Variants in SLC22A23 observed in about 807,000 individuals in gnomAD.
SLC22A23 encodes the protein ion transporter protein.
Under a neutral mutation model 61.0 loss-of-function variants are expected in SLC22A23, and 26 were observed. The ratio of observed to expected loss-of-function variants is 0.43; its 90% CI spans 0.31 to 0.59. SLC22A23 has a LOEUF of 0.59. Ranked by LOEUF, SLC22A23 falls within the 20% of genes least tolerant of loss-of-function variation. SLC22A23 has a pLI of 0.11. For synonymous variants in SLC22A23, 430 were observed against 413.9 expected (o/e 1.04, Z -0.47); for missense variants, 796 against 934.7 (o/e 0.85, Z 1.94).
intron 3 of SLC22A23, among the ~76,000 whole-genome samples, chr6:3,384,826 G>A (rs193024207): frequency 4.6e-5 from 7 of 152,268 alleles, no homozygotes; most frequent in East Asian, 1.9e-4. Flanking sequence ...TCACAATAGC[G>A]AGAATGTGGA....
At chr6:3,401,044 A>G (rs1768351815) in intron 3 of SLC22A23, among the ~76,000 whole-genome samples, 1 of 152,242 alleles carries the variant, frequency 6.6e-6, no homozygotes, top group Non-Finnish European at 1.5e-5. Flanking sequence ...GTGCACACTT[A>G]AAAATGGCTG....
chr6:3,307,720 C>T lies in SLC22A23; in HGVS notation c.1083-9502G>A, dbSNP rs150297203. Among the ~76,000 whole-genome samples, 292 of 152,352 alleles carry T rather than the reference C, an allele frequency of 1.9e-3. 3 individuals are homozygous for T. Among genetic ancestry groups the T allele is most frequent in the African/African-American group, 6.8e-3 (281 of 41,584 alleles). On this transcript the variant is annotated intron_variant, in intron 4 of 9. Transcript: ENST00000406686. ...TGACACTGTCCACAGCAGCTGGAAGCGGTGACTGTCGGTGAGTTACAGTGG... is the reference window on the plus strand; with the variant it reads ...TGACACTGTCCACAGCAGCTGGAAGTGGTGACTGTCGGTGAGTTACAGTGG...
At chr6:3,358,407 A>G (rs929598431) in intron 3 of SLC22A23, among the ~76,000 whole-genome samples, 5 of 152,246 alleles carry the variant, frequency 3.3e-5, no homozygotes, top group African/African-American at 1.2e-4. Context: ...AACGAATGAA[A>G]TTCTGACACG....
At chr6:3,380,052 G>A (rs1766859957) in intron 3 of SLC22A23, among the ~76,000 whole-genome samples, 1 of 152,082 alleles carries the variant, frequency 6.6e-6, no homozygotes, top group Non-Finnish European at 1.5e-5. Flanking sequence ...GAGGGATGAG[G>A]GGGCTAGAGG....
At chr6:3,370,436 G>T (rs144495118) in intron 3 of SLC22A23, among the ~76,000 whole-genome samples, 1 of 152,254 alleles carries the variant, frequency 6.6e-6, no homozygotes, top group Non-Finnish European at 1.5e-5. Context: ...CACAGGTGTC[G>T]AAAGCAAGGC....
intron 1 of SLC22A23, among the ~76,000 whole-genome samples, chr6:3,421,812 C>T (rs185795653): frequency 6.6e-6 from 1 of 152,226 alleles, no homozygotes; most frequent in Admixed American, 6.5e-5. Context: ...TTCGCCTTCT[C>T]GGAAACACGT....
At position 3,372,891 on chromosome 6, in the gene SLC22A23, T is replaced by C. The variant is rs901512783; in HGVS notation, c.913+37297A>G. On this transcript the variant is annotated intron_variant, in intron 3 of 9. Coordinates refer to ENST00000406686, the MANE Select transcript of SLC22A23 (RefSeq NM_015482.2). This position sits in a 1 kb window ranked among gnomAD's most constrained non-coding sequence, Gnocchi z 4.7. The stretch of plus-strand genomic sequence containing the variant: ...CTAAGTGAGAGTCAGGATTCTTCCG[T>C]AAAACTCCAATTAGCCAAAAGCTTG... Among the ~76,000 whole-genome samples, 1 of 152,342 alleles carries C rather than the reference T, an allele frequency of 6.6e-6. No individual in the cohort carries two copies. Among genetic ancestry groups the C allele is most frequent in the Non-Finnish European group, 1.5e-5 (1 of 68,032 alleles).
Position 3,369,596 on chromosome 6 carries a change from C to A in SLC22A23, c.913+40592G>T, listed in dbSNP as rs150864743. On this transcript the variant is annotated intron_variant, in intron 3 of 9. Coordinates refer to ENST00000406686, the MANE Select transcript of SLC22A23 (RefSeq NM_015482.2). ...ATCCCAGCTACTTAGGAGGCTGAGG[C>A]AGGAGAATGGCTTCAATCTGGGAGG... Among the ~76,000 whole-genome samples the A allele has an allele frequency of 7.4e-3, 1,124 of 151,680 alleles. 16 individuals are homozygous for A. Among genetic ancestry groups the A allele is most frequent in the African/African-American group, 0.02 (841 of 41,278 alleles).
intron 1 of SLC22A23, among the ~76,000 whole-genome samples, chr6:3,438,227 C>A (rs1421752416): frequency 6.6e-6 from 1 of 152,214 alleles, no homozygotes; most frequent in East Asian, 1.9e-4. Flanking sequence ...TGAGACAAGG[C>A]AGACAGTGCT....
chr6:3,432,431 A>G, intron 1 of SLC22A23: 1 of 980,700 alleles, frequency 1.0e-6, no homozygotes, highest in Non-Finnish European at 1.2e-6. Context: ...GCTGTTGTGT[A>G]CAACTGCTCT....
chr6:3,414,623 T>C lies in SLC22A23; in HGVS notation c.758+1129A>G, dbSNP rs573069995. On this transcript the variant is annotated intron_variant, in intron 2 of 9. Transcript: ENST00000406686. The surrounding 1 kb of genome is among the most constrained non-coding windows in gnomAD (Gnocchi z 5.1). ...CCCAGGCACTTGCCTTGGCCAGCAT[T>C]CTCAGTTAACTGAGGTGCAGAGGTC... 2.0e-5 allele frequency among the ~76,000 whole-genome samples: 3 copies of C among 151,116 alleles called. No individual in the cohort carries two copies. Among genetic ancestry groups the C allele is most frequent in the African/African-American group, 7.3e-5 (3 of 41,096 alleles).
intron 3 of SLC22A23, among the ~76,000 whole-genome samples, chr6:3,392,328 G>T (rs1391196350): frequency 1.3e-5 from 2 of 152,222 alleles, no homozygotes; most frequent in Non-Finnish European, 2.9e-5. Context: ...AGCAGCCCAG[G>T]ACTGACTATA....
intron 3 of SLC22A23, among the ~76,000 whole-genome samples, chr6:3,355,194 A>C (rs1239888823): frequency 1.3e-5 from 2 of 152,072 alleles, no homozygotes; most frequent in Non-Finnish European, 2.9e-5. Flanking sequence ...CTAAAAAAAA[A>C]AAAGTCTCCC....
intron 3 of SLC22A23, among the ~76,000 whole-genome samples, chr6:3,351,835 C>A (rs1426471673): frequency 6.6e-6 from 1 of 152,222 alleles, no homozygotes; most frequent in Non-Finnish European, 1.5e-5. Context: ...GCATTCTCAT[C>A]AAATGTACAT....
rs779293542 is a variant in SLC22A23 at position 3,298,209 on chromosome 6, G to A, written c.1092C>T (p.Pro364=). 87 of 1,594,900 alleles carry A rather than the reference G, an allele frequency of 5.5e-5. No homozygotes were observed. In the Middle Eastern group the frequency reaches 6.6e-4, roughly 12 times the overall value. The stretch of plus-strand genomic sequence containing the variant: ...TGGCCATTAGCCACCGGAGGGACTC[G>A]GGGAATATCCTTTAAAGACACAAAG... The part of the protein sequence containing the change: ...LLMLLYWSIF[P]ESLRWLMATQ... Residue 364 remains proline, a synonymous_variant, in exon 5 of 10, where the codon CCC becomes CCT. Transcript: ENST00000406686.
At chr6:3,374,552 A>G (rs982290462) in intron 3 of SLC22A23, among the ~76,000 whole-genome samples, 6 of 152,234 alleles carry the variant, frequency 3.9e-5, no homozygotes, top group African/African-American at 1.4e-4. Flanking sequence ...TGTGCTTTGG[A>G]GAAACTGGGC....
intron 1 of SLC22A23, among the ~76,000 whole-genome samples, chr6:3,418,212 G>A (rs796216111): frequency 4.6e-5 from 7 of 152,310 alleles, no homozygotes; most frequent in South Asian, 2.1e-4. Flanking sequence ...GGTTGCTGCC[G>A]GGGAGAAGGG....
intron 9 of SLC22A23, 113 bp from the exon 10 acceptor site, chr6:3,273,525 A>T (rs1216309061): frequency 1.7e-6 from 2 of 1,166,898 alleles, no homozygotes; most frequent in Admixed American, 4.0e-5. Flanking sequence ...TGCCCTGGGC[A>T]CTGCCCAGTA....
intron 3 of SLC22A23, among the ~76,000 whole-genome samples, chr6:3,376,964 A>T (rs560152183): frequency 5.9e-4 from 89 of 151,990 alleles, no homozygotes; most frequent in African/African-American, 2.1e-3. Context: ...GAGGGTCCAC[A>T]TGAAGGTGTC....
Sources: allele counts gnomAD v4.1 joint callset (sites outside exome capture counted in the v4.1 genomes callset), GRCh38; gene constraint gnomAD v4.1.1; non-coding constraint Gnocchi (gnomAD v3.1); transcripts MANE v1.5; gene names NCBI Gene and HGNC (gene_info 2026-07-23, HGNC 2026-07-21).